The following NAP1L1 variants were observed in gnomAD, a reference collection of about 807,000 sequenced individuals.
NAP1L1 encodes the protein nucleosome assembly protein 1-like 1.
A neutral mutation model predicts 58.9 loss-of-function variants in NAP1L1; 9 were observed. The observed-to-expected ratio is 0.15, with a 90% CI of 0.09 to 0.27. NAP1L1 has a LOEUF of 0.27. NAP1L1 is among the 10% of genes least tolerant of loss of function. The pLI is 1.00. For missense variants in NAP1L1, 302 were observed against 458.8 expected, an observed-to-expected ratio of 0.66 and a Z score of 3.12; for synonymous variants, 130 against 138.3, an observed-to-expected ratio of 0.94 and a Z score of 0.42.
At position 76,068,903 on chromosome 12, in the gene NAP1L1, T is replaced by G. The variant is rs1232016688; in HGVS notation, c.103+6A>C. The G allele has an allele frequency of 6.3e-7, 1 of 1,598,360 alleles. No homozygotes were observed. Among genetic ancestry groups the G allele is most frequent in the Admixed American group, 1.7e-5 (1 of 59,792 alleles). The stretch of plus-strand genomic sequence containing the variant: ...CACTGGCTCCTGAAGTAATTTAAAG[T>G]AATACCTTTGAGTTTTGTTTCTTCA... On this transcript the variant is annotated splice_donor_region_variant and intron_variant, in intron 3 of 14. Transcript: ENST00000618691.
intron 2 of NAP1L1, 62 bp downstream of exon 2, chr12:76,074,140 GT>G (rs1418643976): frequency 7.6e-6 from 10 of 1,318,078 alleles, no homozygotes; most frequent in Non-Finnish European, 1.1e-5. Context: ...ACTACTTGCT[GT>G]TAAGAACAGA....
intron 2 of NAP1L1, among the ~76,000 whole-genome samples, chr12:76,071,617 A>C (rs1275612863): frequency 6.6e-6 from 1 of 152,190 alleles, no homozygotes; most frequent in Admixed American, 6.5e-5. Flanking sequence ...GAAGCAGCCC[A>C]ATCAGTCTTC....
chr12:76,058,119 G>A (rs1949209692), intron 6 of NAP1L1: 12 of 721,492 alleles, frequency 1.7e-5, no homozygotes, highest in Admixed American at 1.1e-4. Context: ...TCTTGGAGAA[G>A]AAGTGAATTT....
At chr12:76,055,112 A>C (rs1341469005) in intron 7 of NAP1L1, 22 bp from the exon 8 acceptor site, 1 of 1,524,134 alleles carries the variant, frequency 6.6e-7, no homozygotes, top group African/African-American at 1.4e-5. Flanking sequence ...AAAAATAATA[A>C]AAATGAATAA....
chr12:76,058,053 A>G (rs1207633526), intron 6 of NAP1L1: 4 of 776,610 alleles, frequency 5.2e-6, no homozygotes, highest in Admixed American at 3.4e-5. Flanking sequence ...TACAGATGAC[A>G]TAATTGAGGT....
chr12:76,037,005 T>C lies in NAP1L1; in HGVS notation c.*11424A>G, dbSNP rs1367737582. The C allele has an allele frequency of 6.6e-6, 1 of 151,554 alleles. No individual in the cohort carries two copies. The highest frequency in any genetic ancestry group is 1.5e-5 in the Non-Finnish European group (1 of 67,974). 9.4% of individuals were successfully genotyped at this position (151,554 alleles called of 1,614,324 possible). ...ATTGCTTGAGCCAGGGAGGTGAAGG[T>C]TACAGTGAGCCAAGATCACGCCACT... is the stretch of plus-strand genomic sequence containing the variant. On this transcript the variant is annotated 3_prime_UTR_variant, in exon 15 of 15. Transcript: ENST00000618691.
chr12:76,064,600 G>A (rs537875431), intron 4 of NAP1L1, among the ~76,000 whole-genome samples: 1 of 152,054 alleles, frequency 6.6e-6, no homozygotes, highest in Admixed American at 6.5e-5. Flanking sequence ...AAAACCAAAA[G>A]CAAAATTAAT....
intron 12 of NAP1L1, 32 bp from the exon 13 acceptor site, chr12:76,049,817 T>A (rs1369813423): frequency 6.2e-7 from 1 of 1,610,450 alleles, no homozygotes; most frequent in East Asian, 2.2e-5. Context: ...AAGTGTTGAG[T>A]GAATGTAACA....
At position 76,058,191 on chromosome 12, in the gene NAP1L1, C is replaced by CTTCATA. The variant is rs1243475241; in HGVS notation, c.429+1606_429+1607insTATGAA. Reference sequence around the variant, plus strand: ...TAGATATGGCCAAAGGGAGAGAGGCCTACATATATATATATATATATATAT... The same window carrying CTTCATA: ...TAGATATGGCCAAAGGGAGAGAGGCCTTCATATACATATATATATATATATATATAT... On this transcript the variant is annotated intron_variant, in intron 6 of 14. Coordinates refer to ENST00000618691, the MANE Select transcript of NAP1L1 (RefSeq NM_004537.7). 7.4e-4 allele frequency: 232 copies of CTTCATA among 315,518 alleles called. 13 individuals carry two copies. In the African/African-American group the frequency reaches 9.2e-3, roughly 12 times the overall value. The allele number at this position is 315,518 out of a possible 1,614,324, so 19.5% of individuals were successfully genotyped here.
chr12:76,076,592 A>ATATATATC (rs1565747788), intron 1 of NAP1L1, among the ~76,000 whole-genome samples: 2 of 139,742 alleles, frequency 1.4e-5, no homozygotes, highest in South Asian at 2.3e-4. Flanking sequence ...ATATATATAT[A>ATATATATC]TCTCCACTCA....
chr12:76,068,903 T>TAATA lies in NAP1L1; in HGVS notation c.103+2_103+5dup. ...CACTGGCTCCTGAAGTAATTTAAAG[T>TAATA]AATACCTTTGAGTTTTGTTTCTTCA... On this transcript the variant is annotated splice_donor_region_variant and intron_variant, in intron 3 of 14. Transcript: ENST00000618691. 6.3e-7 allele frequency: 1 copy of TAATA among 1,598,360 alleles called. No homozygotes were observed.
chr12:76,070,305 T>C (rs1041075656), intron 2 of NAP1L1, among the ~76,000 whole-genome samples: 1 of 152,170 alleles, frequency 6.6e-6, no homozygotes, highest in African/African-American at 2.4e-5. Flanking sequence ...GTATTTTTAG[T>C]AGAGACAGGC....
chr12:76,074,375 T>C (rs1950096264), intron 1 of NAP1L1, 136 bp from the exon 2 acceptor site: 8 of 1,328,096 alleles, frequency 6.0e-6, no homozygotes, highest in Non-Finnish European at 7.7e-6. Flanking sequence ...ATACTATCAG[T>C]GTTAAGAAGA....
At chr12:76,080,825 A>G (rs1950374237) in intron 1 of NAP1L1, among the ~76,000 whole-genome samples, 1 of 152,002 alleles carries the variant, frequency 6.6e-6, no homozygotes, top group Non-Finnish European at 1.5e-5. Context: ...TTAAGAAGTG[A>G]TTGGATCATG....
intron 11 of NAP1L1, 131 bp from the exon 12 acceptor site, chr12:76,050,784 T>A: frequency 1.1e-6 from 1 of 901,584 alleles, no homozygotes; most frequent in Non-Finnish European, 1.6e-6. Context: ...GAGGCCAAAG[T>A]AGGAGGATCA....
In NAP1L1 at chr12:76,070,272, G is replaced by A. The variant is rs373087109; in HGVS notation, c.18-1278C>T. Among the ~76,000 whole-genome samples the A allele has an allele frequency of 3.9e-5, 6 of 152,230 alleles. No individual in the cohort carries two copies. The East Asian group carries it at 7.7e-4, about 20-fold the overall frequency. On this transcript the variant is annotated intron_variant, in intron 2 of 14. Transcript: ENST00000618691. Reference sequence around the variant, plus strand: ...TGAATAGCTGGGACTACAGGAGTGCGCCACTGCACCTGGCTAATTTCTGTA... The same window carrying A: ...TGAATAGCTGGGACTACAGGAGTGCACCACTGCACCTGGCTAATTTCTGTA...
At chr12:76,059,391 C>A (rs1949297002) in intron 6 of NAP1L1, among the ~76,000 whole-genome samples, 1 of 152,136 alleles carries the variant, frequency 6.6e-6, no homozygotes, top group Non-Finnish European at 1.5e-5. Flanking sequence ...ATTCTACTAA[C>A]CAATTAAAAA....
At chr12:76,050,770 T>TC in intron 11 of NAP1L1, 117 bp from the exon 12 acceptor site, 7 of 1,080,934 alleles carry the variant, frequency 6.5e-6, no homozygotes, top group Non-Finnish European at 9.1e-6. Flanking sequence ...TCCCAACACT[T>TC]CAGGAGGCCA....
chr12:76,063,474 A>C (rs1443943773), intron 4 of NAP1L1, among the ~76,000 whole-genome samples: 1 of 152,188 alleles, frequency 6.6e-6, no homozygotes, highest in African/African-American at 2.4e-5. Flanking sequence ...AAACAATACA[A>C]CTTCTAAGAA....
Sources: gnomAD v4.1 joint callset for allele counts (sites outside exome capture counted in the v4.1 genomes callset) on GRCh38, gnomAD v4.1.1 for gene constraint, MANE v1.5 for transcripts, NCBI Gene and HGNC (gene_info 2026-07-23, HGNC 2026-07-21) for gene names.